DMD: variants seen among roughly 807,000 people sequenced by gnomAD.
The protein encoded by DMD is dystrophin, also known as mutant dystrophin.
A neutral mutation model predicts 330.1 loss-of-function variants in DMD; 63 were observed. The ratio of observed to expected loss-of-function variants is 0.19; its 90% CI spans 0.16 to 0.24. The LOEUF (loss-of-function observed/expected upper bound fraction) is 0.24. Ranked by LOEUF, DMD falls within the 10% of genes least tolerant of loss-of-function variation. The probability of loss-of-function intolerance (pLI) is 1.00; values close to 1 mark genes in which losing one functional copy is unlikely to be tolerated. For synonymous variants in DMD, 1,223 were observed against 959.8 expected (o/e 1.27, Z -5.07); for missense variants, 3,344 against 2,684.1 (o/e 1.25, Z -5.43).
At chrX:32,647,827 CCTT>C (rs1184270522) in intron 9 of DMD, among the ~76,000 whole-genome samples, 1 of 111,973 alleles carries the variant, frequency 8.9e-6, no homozygotes, top group Non-Finnish European at 1.9e-5. Context: ...CCCAAGATTA[CCTT>C]CTTAAGTCAC....
chrX:32,491,436 C>G lies in DMD; in HGVS notation c.2463G>C (p.Glu821Asp). ...TCTGATACTCCAGCCAGTTAAGTCTCTCACTTAGCAACTGGCAGAATTCGA... is the reference window on the plus strand; with the variant it reads ...TCTGATACTCCAGCCAGTTAAGTCTGTCACTTAGCAACTGGCAGAATTCGA... Reference protein sequence around the residue: ...RWIEFCQLLSERLNWLEYQNN... With the variant: ...RWIEFCQLLSDRLNWLEYQNN... Residue 821 changes from glutamate to aspartate, a missense_variant, in exon 20 of 79, where the codon GAG becomes GAC. By Grantham distance (45) the Glu-to-Asp change is conservative. Coordinates refer to ENST00000357033, the MANE Select transcript of DMD (RefSeq NM_004006.3). 1 of 1,211,198 alleles carries G rather than the reference C, an allele frequency of 8.3e-7. No individual in the cohort carries two copies. The highest frequency in any genetic ancestry group is 1.1e-6 in the Non-Finnish European group (1 of 895,032).
intron 17 of DMD, among the ~76,000 whole-genome samples, chrX:32,530,823 A>T (rs228349): frequency 0.18 from 20,628 of 111,556 alleles, 1,468 homozygotes; most frequent in East Asian, 0.39. Context: ...GTTAATAGAA[A>T]TATTCTCTTA....
intron 27 of DMD, among the ~76,000 whole-genome samples, chrX:32,443,084 G>C (rs1347559094): frequency 1.8e-5 from 2 of 110,711 alleles, no homozygotes; most frequent in African/African-American, 6.6e-5. Context: ...TGTTAGCTTT[G>C]TAACTGTTGA....
intron 2 of DMD, among the ~76,000 whole-genome samples, chrX:32,880,843 C>G (rs1366716957): frequency 1.8e-5 from 2 of 112,478 alleles, no homozygotes; most frequent in Non-Finnish European, 3.8e-5. Context: ...ACTCAGGAGG[C>G]TGAGGCAGGA....
intron 44 of DMD, among the ~76,000 whole-genome samples, chrX:32,105,127 G>T (rs2096558466): frequency 1.8e-5 from 2 of 111,809 alleles, no homozygotes; most frequent in South Asian, 7.4e-4. Context: ...ACCAACACAC[G>T]TTAGTGCCAG....
chrX:32,482,003 T>C (rs1217892591), intron 21 of DMD, among the ~76,000 whole-genome samples: 3 of 111,963 alleles, frequency 2.7e-5, no homozygotes, highest in African/African-American at 9.7e-5. Flanking sequence ...GTCAAAACAC[T>C]GGCTTTGTCA....
At chrX:31,609,165 T>C (rs2077769977) in intron 55 of DMD, among the ~76,000 whole-genome samples, 2 of 111,344 alleles carry the variant, frequency 1.8e-5, no homozygotes, top group African/African-American at 6.5e-5. Flanking sequence ...TATAAGGAAT[T>C]AAAAGACATA....
chrX:31,954,947 A>G (rs1296999059), intron 45 of DMD, among the ~76,000 whole-genome samples: 3 of 105,270 alleles, frequency 2.8e-5, no homozygotes, highest in Non-Finnish European at 5.8e-5. Context: ...TGGGTGGATC[A>G]CTTGACCTCA....
At chrX:32,169,384 T>C (rs1224953679) in intron 44 of DMD, among the ~76,000 whole-genome samples, 2 of 112,122 alleles carry the variant, frequency 1.8e-5, no homozygotes, top group African/African-American at 6.5e-5. Flanking sequence ...ATTATAGATT[T>C]GTCCCTTGAG....
chrX:33,250,105 A>G (rs2052746917), intron 1 of DMD, among the ~76,000 whole-genome samples: 1 of 98,263 alleles, frequency 1.0e-5, no homozygotes, highest in Non-Finnish European at 2.0e-5. Context: ...ATATATATAT[A>G]TATATATCAA....
At chrX:33,311,373 C>T (rs1010448577) in intron 1 of DMD, among the ~76,000 whole-genome samples, 1 of 110,014 alleles carries the variant, frequency 9.1e-6, no homozygotes, top group Non-Finnish European at 1.9e-5. Flanking sequence ...TCTGTTCTTA[C>T]CACAGATATA....
chrX:32,628,356 A>G (rs2058510106), intron 11 of DMD, among the ~76,000 whole-genome samples: 1 of 88,664 alleles, frequency 1.1e-5, no homozygotes, highest in South Asian at 5.9e-4. Flanking sequence ...GCTTATTTTA[A>G]TCAACATAAC....
At chrX:32,571,435 A>C (rs755087960) in intron 15 of DMD, among the ~76,000 whole-genome samples, 40 of 110,820 alleles carry the variant, frequency 3.6e-4, no homozygotes, top group African/African-American at 1.2e-3. Flanking sequence ...TTGTGATACC[A>C]CTTTCCCCTT....
intron 61 of DMD, among the ~76,000 whole-genome samples, chrX:31,341,909 A>ATG (rs2057789594): frequency 9.5e-6 from 1 of 105,160 alleles, no homozygotes; most frequent in African/African-American, 3.5e-5. Flanking sequence ...ACACACACAC[A>ATG]CACACACACA....
At chrX:31,388,426 A>C (rs2060552308) in intron 60 of DMD, among the ~76,000 whole-genome samples, 1 of 111,668 alleles carries the variant, frequency 9.0e-6, no homozygotes, top group Admixed American at 9.6e-5. Context: ...ATAGATATTA[A>C]TTGAATGACT....
intron 45 of DMD, among the ~76,000 whole-genome samples, chrX:31,944,530 T>G (rs1410771686): frequency 9.5e-6 from 1 of 105,589 alleles, no homozygotes; most frequent in Non-Finnish European, 1.9e-5. Context: ...CCGGCTGGAG[T>G]GCAGTGGTGC....
chrX:31,203,897 GT>G, intron 67 of DMD, 63 bp downstream of exon 67: 1 of 1,056,869 alleles, frequency 9.5e-7, no homozygotes, highest in Non-Finnish European at 1.3e-6. Flanking sequence ...AGCTCTGTGG[GT>G]TTTTTAATTA....
At chrX:31,733,583 T>C (rs1202294085) in intron 51 of DMD, among the ~76,000 whole-genome samples, 1 of 111,831 alleles carries the variant, frequency 8.9e-6, no homozygotes, top group Non-Finnish European at 1.9e-5. Context: ...AAAAAATTAA[T>C]ATAAAGAATT....
chrX:32,460,070 T>C (rs2098377777), intron 25 of DMD, among the ~76,000 whole-genome samples: 1 of 110,230 alleles, frequency 9.1e-6, no homozygotes, highest in Non-Finnish European at 1.9e-5. Flanking sequence ...GCAAATAATC[T>C]GAACAGTTAT....
Sources: gnomAD v4.1 joint callset for allele counts (sites outside exome capture counted in the v4.1 genomes callset) on GRCh38, gnomAD v4.1.1 for gene constraint, MANE v1.5 for transcripts, NCBI Gene and HGNC (gene_info 2026-07-23, HGNC 2026-07-21) for gene names.